Variants in PCDHGA5 observed in about 807,000 individuals in gnomAD.
The protein encoded by PCDHGA5 is protocadherin gamma subfamily A, 5, also known as protocadherin gamma-A5.
A neutral mutation model predicts 56.7 loss-of-function variants in PCDHGA5; 36 were observed. The observed-to-expected ratio is 0.64, with a 90% CI of 0.49 to 0.84. The LOEUF is 0.84. Among genes scored for constraint, PCDHGA5 ranks in the 40% least tolerant of loss-of-function variants. The pLI, the probability that PCDHGA5 is intolerant of heterozygous loss-of-function variation, is 0.00. For missense variants in PCDHGA5, 1,305 were observed against 1,201.5 expected (o/e 1.09, Z -1.27); for synonymous variants, 563 against 520.2 (o/e 1.08, Z -1.12).
At chr5:141,479,056 A>G (rs952560687) in intron 1 of PCDHGA5, among the ~76,000 whole-genome samples, 1 of 152,098 alleles carries the variant, frequency 6.6e-6, no homozygotes, top group Admixed American at 6.5e-5. Context: ...TTCTCAGATA[A>G]TTTTTTATGA....
Position 141,391,341 on chromosome 5 carries a change from CTCTG to C in PCDHGA5, c.2421+24596_2421+24599del, listed in dbSNP as rs1256271403. Reference sequence around the variant, plus strand: ...TCTTTTTTTTTTTTTGAGACAGAGTCTCTGTCTGTTACTCAGGCTGTAGTGCAGT... The same window carrying C: ...TCTTTTTTTTTTTTTGAGACAGAGTCTCTGTTACTCAGGCTGTAGTGCAGT... On this transcript the variant is annotated intron_variant, in intron 1 of 3. Transcript: ENST00000518069. 2.1e-5 allele frequency: 3 copies of C among 145,162 alleles called. No individual in the cohort carries two copies. In the South Asian group the frequency reaches 6.5e-4, roughly 32 times the overall value. The allele number at this position is 145,162 out of a possible 1,614,324, so 9.0% of individuals were successfully genotyped here.
At chr5:141,429,647 T>C (rs1430094173) in intron 1 of PCDHGA5, among the ~76,000 whole-genome samples, 2 of 152,272 alleles carry the variant, frequency 1.3e-5, no homozygotes, top group African/African-American at 4.8e-5. Flanking sequence ...TATATATTTC[T>C]TCCCAATTTA....
Position 141,394,738 on chromosome 5 carries a change from T to G in PCDHGA5, c.2421+27987T>G. ...GACAGAGATGCGCTCAAGCAGAGCCTCGTGGTGGCCGTCCAGGACCATGGC... is the reference window on the plus strand; with the variant it reads ...GACAGAGATGCGCTCAAGCAGAGCCGCGTGGTGGCCGTCCAGGACCATGGC... On this transcript the variant is annotated intron_variant, in intron 1 of 3. Coordinates refer to ENST00000518069, the MANE Select transcript of PCDHGA5 (RefSeq NM_018918.3). 3 of 1,613,412 alleles carry G rather than the reference T, an allele frequency of 1.9e-6. No homozygotes were observed. The African/African-American group carries it at 4.0e-5, about 21-fold the overall frequency.
chr5:141,433,906 A>G (rs1218318743), intron 1 of PCDHGA5, among the ~76,000 whole-genome samples: 1 of 151,412 alleles, frequency 6.6e-6, no homozygotes, highest in Non-Finnish European at 1.5e-5. Flanking sequence ...ATCACTTATT[A>G]CAATCACCTC....
intron 1 of PCDHGA5, chr5:141,393,977 T>TA: frequency 6.2e-7 from 1 of 1,613,870 alleles, no homozygotes; most frequent in Non-Finnish European, 8.5e-7. Flanking sequence ...ACACACGTGA[T>TA]AATTTACCTT....
intron 1 of PCDHGA5, chr5:141,389,844 G>C: frequency 6.2e-7 from 1 of 1,614,014 alleles, no homozygotes; most frequent in Non-Finnish European, 8.5e-7. Flanking sequence ...ACCACTCTCG[G>C]CCACTGCCAC....
intron 2 of PCDHGA5, among the ~76,000 whole-genome samples, chr5:141,500,682 G>A (rs1661676761): frequency 6.6e-6 from 1 of 152,044 alleles, no homozygotes; most frequent in African/African-American, 2.4e-5. Context: ...CAGAATTATA[G>A]CTTTTTTCTT....
intron 3 of PCDHGA5, among the ~76,000 whole-genome samples, chr5:141,506,038 G>C (rs2099850248): frequency 6.6e-6 from 1 of 152,174 alleles, no homozygotes; most frequent in South Asian, 2.1e-4. Context: ...GTAGGATTCT[G>C]GTTTTCCCAT....
intron 1 of PCDHGA5, chr5:141,383,317 G>A (rs376453261): frequency 1.9e-6 from 3 of 1,614,000 alleles, no homozygotes; most frequent in African/African-American, 2.7e-5. Context: ...AGAAATAAAT[G>A]TAAAAATAAT....
At chr5:141,508,162 G>A (rs377676571) in intron 3 of PCDHGA5, 4 of 152,502 alleles carry the variant, frequency 2.6e-5, no homozygotes, top group African/African-American at 9.7e-5. Context: ...CCTGAGTAGA[G>A]GCTGGCACAG....
intron 1 of PCDHGA5, among the ~76,000 whole-genome samples, chr5:141,472,725 C>T (rs1250092748): frequency 6.6e-6 from 1 of 152,022 alleles, no homozygotes; most frequent in Non-Finnish European, 1.5e-5. Flanking sequence ...GTGGCTCACA[C>T]CTGTAATCCC....
chr5:141,398,135 G>C, intron 1 of PCDHGA5: 1 of 1,556,792 alleles, frequency 6.4e-7, no homozygotes, highest in Non-Finnish European at 8.6e-7. Context: ...GGGATGGGGA[G>C]CGGCGCCGGG....
In PCDHGA5 at chr5:141,409,431, T is replaced by C. The variant is rs191277647; in HGVS notation, c.2421+42680T>C. 41 of 1,614,006 alleles carry C rather than the reference T, an allele frequency of 2.5e-5. No homozygotes were observed. In the African/African-American group the frequency reaches 3.9e-4, roughly 15 times the overall value. Reference sequence around the variant, plus strand: ...TACAAACTGGTGACAGATGGAGCCCTGGACCGAGAGCAGACACCAGAATAC... The same window carrying C: ...TACAAACTGGTGACAGATGGAGCCCCGGACCGAGAGCAGACACCAGAATAC... On this transcript the variant is annotated intron_variant, in intron 1 of 3. Transcript: ENST00000518069.
intron 2 of PCDHGA5, 70 bp downstream of exon 2, chr5:141,494,935 G>T (rs1456805368): frequency 2.5e-6 from 4 of 1,612,364 alleles, no homozygotes; most frequent in African/African-American, 1.3e-5. Context: ...GGGAGGAGAT[G>T]GGGGAGGGCC....
intron 1 of PCDHGA5, chr5:141,403,322 A>G (rs1156229289): frequency 6.2e-7 from 1 of 1,613,982 alleles, no homozygotes; most frequent in Non-Finnish European, 8.5e-7. Flanking sequence ...AATAGAAGTA[A>G]CTGATATTAA....
chr5:141,505,322 G>A, intron 2 of PCDHGA5, 71 bp from the exon 3 acceptor site: 1 of 1,606,332 alleles, frequency 6.2e-7, no homozygotes, highest in African/African-American at 1.3e-5. Context: ...TGGGAGCCCT[G>A]GGAGAGGACA....
chr5:141,430,855 C>T, intron 1 of PCDHGA5: 7 of 1,588,596 alleles, frequency 4.4e-6, no homozygotes, highest in Non-Finnish European at 6.0e-6. Context: ...CCCAGATACG[C>T]TATTCAGTTC....
Position 141,481,023 on chromosome 5 carries a change from A to G in PCDHGA5, c.2422-13784A>G, listed in dbSNP as rs546827260. On this transcript the variant is annotated intron_variant, in intron 1 of 3. Transcript: ENST00000518069. ...CAGTGAGCCCAGATCACACCACTGC[A>G]CTCCAGCCTGGGCGACAGAGCGAGA... Among the ~76,000 whole-genome samples the G allele has an allele frequency of 9.0e-4, 137 of 152,218 alleles. 1 individual carries two copies. The highest frequency in any genetic ancestry group is 3.2e-3 in the African/African-American group (132 of 41,516).
At chr5:141,415,767 T>TTTTTTTTTTTTTTTTTTTTTG (rs2095942916) in intron 1 of PCDHGA5, 1 of 1,300,668 alleles carries the variant, frequency 7.7e-7, no homozygotes, top group African/African-American at 1.8e-5. Flanking sequence ...TTTTTTTTTT[T>TTTTTTTTTTTTTTTTTTTTTG]TTTTTACTTT....
Sources: gnomAD v4.1 joint callset for allele counts (sites outside exome capture counted in the v4.1 genomes callset) on GRCh38, gnomAD v4.1.1 for gene constraint, MANE v1.5 for transcripts, NCBI Gene and HGNC (gene_info 2026-07-23, HGNC 2026-07-21) for gene names.